The following KCTD15 variants were observed in gnomAD, a reference collection of about 807,000 sequenced individuals.
The protein encoded by KCTD15 is potassium channel tetramerization domain containing 15.
A neutral mutation model predicts 27.2 loss-of-function variants in KCTD15; 11 were observed. That is an observed-to-expected ratio of 0.41 (90% CI 0.25 to 0.67). The LOEUF (loss-of-function observed/expected upper bound fraction) is 0.67, where lower values mean the gene tolerates loss of function less well. KCTD15 is among the 30% of genes least tolerant of loss of function. The pLI is 0.35. For missense variants in KCTD15, 350 were observed against 409.3 expected (o/e 0.86, Z 1.25); for synonymous variants, 163 against 176.0 (o/e 0.93, Z 0.58).
At chr19:33,797,247 G>GGTGTGTGTGTGTGTGTGTGT (rs751185346) in intron 1 of KCTD15, among the ~76,000 whole-genome samples, 5 of 120,708 alleles carry the variant, frequency 4.1e-5, no homozygotes, top group African/African-American at 9.4e-5. Flanking sequence ...CCTGCCGCGC[G>GGTGTGTGTGTGTGTGTGTGT]GTGTGTGTGT....
At chr19:33,812,325 A>G in intron 6 of KCTD15, 1 of 1,018,302 alleles carries the variant, frequency 9.8e-7, no homozygotes, top group Non-Finnish European at 1.2e-6. Context: ...ATGCACCCCC[A>G]GGCTTCAAAC....
intron 4 of KCTD15, among the ~76,000 whole-genome samples, chr19:33,806,647 G>T (rs1156613367): frequency 6.6e-6 from 1 of 152,130 alleles, no homozygotes; most frequent in Admixed American, 6.5e-5. Flanking sequence ...GTGACTTGCG[G>T]GTGTAGGCAG....
chr19:33,808,932 C>T (rs573150835), intron 5 of KCTD15, among the ~76,000 whole-genome samples: 11 of 152,226 alleles, frequency 7.2e-5, no homozygotes, highest in African/African-American at 2.4e-4. Flanking sequence ...GCCTGGAGTT[C>T]AAGACCAGCC....
At chr19:33,805,723 C>T (rs1975689650) in intron 4 of KCTD15, among the ~76,000 whole-genome samples, 1 of 152,200 alleles carries the variant, frequency 6.6e-6, no homozygotes, top group African/African-American at 2.4e-5. Context: ...TGCCAACTTC[C>T]CTCCTGTTCC....
Position 33,812,959 on chromosome 19 carries a change from A to G in KCTD15, c.*11A>G. On this transcript the variant is annotated 3_prime_UTR_variant, in exon 7 of 7. Coordinates refer to ENST00000683859, the MANE Select transcript of KCTD15 (RefSeq NM_001129994.2). ...GAACCCCTGGACTAGGCCCTGCTTC[A>G]GTGCCCACCTGGGCCCCCCCAGGGA... The G allele has an allele frequency of 6.5e-7, 1 of 1,538,328 alleles. No individual in the cohort carries two copies. The highest frequency in any genetic ancestry group is 1.4e-5 in the African/African-American group (1 of 72,952).
At chr19:33,801,703 C>T (rs1480100770) in intron 4 of KCTD15, 6 of 198,224 alleles carry the variant, frequency 3.0e-5, no homozygotes, top group African/African-American at 1.4e-4. Flanking sequence ...TAGGCCCGGC[C>T]CCTGCAGGGG....
At chr19:33,794,949 C>G (rs749059488), upstream of KCTD15, among the ~76,000 whole-genome samples, 143 of 152,326 alleles carry the variant, frequency 9.4e-4, no homozygotes, top group Admixed American at 2.4e-3. Flanking sequence ...GCTGGAAGCC[C>G]GGAGGTACCG....
At chr19:33,811,133 C>A in intron 5 of KCTD15, 114 bp from the exon 6 acceptor site, 1 of 863,944 alleles carries the variant, frequency 1.2e-6, no homozygotes, top group Non-Finnish European at 1.7e-6. Flanking sequence ...CAATACCCTG[C>A]GAGTCGCAGT....
intron 4 of KCTD15, among the ~76,000 whole-genome samples, chr19:33,806,229 A>T (rs901842737): frequency 1.4e-5 from 2 of 147,038 alleles, no homozygotes; most frequent in African/African-American, 5.4e-5. Flanking sequence ...GAGCGGCAGT[A>T]GGGGATTTGT....
chr19:33,800,263 G>A (rs1393857251), intron 2 of KCTD15, among the ~76,000 whole-genome samples, 165 bp from the exon 3 acceptor site: 1 of 152,172 alleles, frequency 6.6e-6, no homozygotes, highest in Non-Finnish European at 1.5e-5. Flanking sequence ...TTGGGGTGTG[G>A]AGACAGATAG....
rs763129636 is a variant in KCTD15, at chr19:33,806,999, G to A, written c.379G>A (p.Asp127Asn). The change falls in exon 5 of 7, where the codon GAC becomes AAC. Residue 127 changes from aspartate to asparagine, a missense_variant. Physicochemically the swap from Asp to Asn is conservative, Grantham distance 23. Coordinates refer to ENST00000683859, the MANE Select transcript of KCTD15 (RefSeq NM_001129994.2). ...GACGTCCAAGCTGCTGCTTCCGGATGACTTTAAGGTAAGTCCATGGCTGGT... is the reference window on the plus strand; with the variant it reads ...GACGTCCAAGCTGCTGCTTCCGGATAACTTTAAGGTAAGTCCATGGCTGGT... ...LRTSKLLLPD[D>N]FKDFSLLYEE... The A allele has an allele frequency of 1.2e-6, 2 of 1,613,890 alleles. No individual in the cohort carries two copies. The highest frequency in any genetic ancestry group is 1.7e-4 in the Middle Eastern group (1 of 6,018).
intron 4 of KCTD15, among the ~76,000 whole-genome samples, chr19:33,803,291 G>A (rs1282940030): frequency 2.0e-5 from 3 of 152,216 alleles, no homozygotes; most frequent in African/African-American, 7.2e-5. Context: ...CAGCTGTGCT[G>A]GCAAGAGCCC....
At chr19:33,804,731 C>T (rs989108533) in intron 4 of KCTD15, among the ~76,000 whole-genome samples, 3 of 152,170 alleles carry the variant, frequency 2.0e-5, no homozygotes, top group Non-Finnish European at 2.9e-5. Flanking sequence ...TGGAGCCAGC[C>T]GTGGAACCCA....
chr19:33,800,586 G>A (rs1221445624), intron 3 of KCTD15, 66 bp downstream of exon 3: 25 of 1,406,634 alleles, frequency 1.8e-5, no homozygotes, highest in Non-Finnish European at 2.5e-5. Flanking sequence ...CCCAGTGCCT[G>A]TTTACTGGCT....
chr19:33,797,639 C>T (rs1975383365), intron 1 of KCTD15, among the ~76,000 whole-genome samples: 1 of 152,200 alleles, frequency 6.6e-6, no homozygotes, highest in East Asian at 2.0e-4. Context: ...TGGACGCGCG[C>T]ACCCGGCACA....
At chr19:33,795,899 C>G (rs1329225859), upstream of KCTD15, 1 of 151,638 alleles carries the variant, frequency 6.6e-6, no homozygotes, top group African/African-American at 2.4e-5. Flanking sequence ...GGCGGCCGAC[C>G]GCGTGTCCGC....
At chr19:33,807,181 CTTAT>C (rs1975739786) in intron 5 of KCTD15, among the ~76,000 whole-genome samples, 174 bp downstream of exon 5, 1 of 152,202 alleles carries the variant, frequency 6.6e-6, no homozygotes, top group Admixed American at 6.5e-5. Context: ...ACATTTTTAG[CTTAT>C]TTATCAGGGT....
intron 4 of KCTD15, among the ~76,000 whole-genome samples, chr19:33,802,596 G>A (rs983255226): frequency 6.6e-6 from 1 of 152,138 alleles, no homozygotes; most frequent in East Asian, 1.9e-4. Flanking sequence ...ACTCAGCCTG[G>A]GGCCCTGTGG....
intron 1 of KCTD15, among the ~76,000 whole-genome samples, chr19:33,797,957 A>G (rs927881211): frequency 6.6e-6 from 1 of 151,722 alleles, no homozygotes. Context: ...CTCCGCGGCA[A>G]CCCCTCCCAG....
Sources: gnomAD v4.1 joint callset for allele counts (sites outside exome capture counted in the v4.1 genomes callset) on GRCh38, gnomAD v4.1.1 for gene constraint, MANE v1.5 for transcripts, NCBI Gene and HGNC (gene_info 2026-07-23, HGNC 2026-07-21) for gene names.